The following TEX29 variants were observed in gnomAD, a reference collection of about 807,000 sequenced individuals.
The protein encoded by TEX29 is testis expressed 29.
Under a neutral mutation model 18.2 loss-of-function variants are expected in TEX29, and 26 were observed. The observed-to-expected ratio is 1.43, with a 90% confidence interval of 1.04 to 1.98. TEX29 has a LOEUF of 1.98. Ranked by LOEUF, TEX29 falls within the 30% of genes most tolerant of loss-of-function variation. The pLI is 0.00. For synonymous variants in TEX29, 83 were observed against 78.5 expected (o/e 1.06, Z -0.31); for missense variants, 177 against 194.2 (o/e 0.91, Z 0.53).
At chr13:111,328,143 T>C in intron 2 of TEX29, 40 bp from the exon 3 acceptor site, 1 of 1,392,052 alleles carries the variant, frequency 7.2e-7, no homozygotes, top group East Asian at 2.3e-5. Context: ...AGTGGCTTTG[T>C]TTTCGGGGGT....
intron 3 of TEX29, among the ~76,000 whole-genome samples, chr13:111,332,713 AAC>A (rs1378565937): frequency 1.3e-5 from 2 of 152,212 alleles, no homozygotes; most frequent in African/African-American, 4.8e-5. Flanking sequence ...ACAACTTGGA[AAC>A]ACACGAGTTG....
At chr13:111,321,277 T>C (rs1264993088) in intron 2 of TEX29, among the ~76,000 whole-genome samples, 2 of 152,226 alleles carry the variant, frequency 1.3e-5, no homozygotes, top group Non-Finnish European at 2.9e-5. Context: ...ATAACTTTTA[T>C]TGCAGGAGTG....
Position 111,322,546 on chromosome 13 carries a change from G to C in TEX29, c.58+1598G>C, listed in dbSNP as rs183429945. On this transcript the variant is annotated intron_variant, in intron 2 of 5. Transcript: ENST00000283547. ...GCTGGAGGCTGGTGCCACTTCTCAG[G>C]GTGCATGGGACTGGTGGGGGTCATC... Among the ~76,000 whole-genome samples the C allele has an allele frequency of 5.5e-4, 84 of 152,262 alleles. 1 individual carries two copies. In the East Asian group the frequency reaches 9.1e-3, roughly 17 times the overall value.
chr13:111,336,316 T>C (rs1012621531), intron 3 of TEX29, among the ~76,000 whole-genome samples: 3 of 152,238 alleles, frequency 2.0e-5, no homozygotes, highest in African/African-American at 7.2e-5. Flanking sequence ...TTCTTTGACA[T>C]CTTTCTCATT....
chr13:111,339,346 G>GAGC, intron 3 of TEX29: 1 of 455,096 alleles, frequency 2.2e-6, no homozygotes, highest in Non-Finnish European at 4.4e-6. Flanking sequence ...GGGAGCTGGG[G>GAGC]AGCACAGCAG....
intron 3 of TEX29, among the ~76,000 whole-genome samples, chr13:111,332,324 G>C (rs562280504): frequency 6.6e-6 from 1 of 151,596 alleles, no homozygotes; most frequent in African/African-American, 2.4e-5. Context: ...GAATTGTTTT[G>C]TTCATTTTCA....
intron 3 of TEX29, among the ~76,000 whole-genome samples, chr13:111,337,574 G>C (rs2093691242): frequency 1.3e-5 from 2 of 152,038 alleles, no homozygotes; most frequent in African/African-American, 4.8e-5. Flanking sequence ...GATCAGCGTT[G>C]TTCAGTGTGG....
intron 2 of TEX29, among the ~76,000 whole-genome samples, chr13:111,327,926 G>C (rs1290641147): frequency 6.6e-6 from 1 of 152,346 alleles, no homozygotes; most frequent in South Asian, 2.1e-4. Flanking sequence ...GCTGCTGCGC[G>C]GAAATGTATT....
chr13:111,320,938 G>A lies in TEX29; in HGVS notation c.48G>A (p.Lys16=). Residue 16 remains lysine, a synonymous_variant, in exon 2 of 6, where the codon AAG becomes AAA. Transcript: ENST00000283547. ...AGAACTCTCCGCGGCACCTCCTGAA[G>A]CAATTCACAGGTATGGAGGGAAGGC... is the stretch of plus-strand genomic sequence containing the variant. ...EVKNSPRHLL[K]QFTVCDVPLY... 4 of 1,362,516 alleles carry A rather than the reference G, an allele frequency of 2.9e-6. No individual in the cohort carries two copies. The highest frequency in any genetic ancestry group is 3.9e-6 in the Non-Finnish European group (4 of 1,027,288). The allele number at this position is 1,362,516 out of a possible 1,614,324, so 84.4% of individuals were successfully genotyped here. A position where few individuals can be genotyped will look rare whatever the true frequency, so the allele number is the denominator to read the frequency against.
At chr13:111,320,456 G>A (rs896986231), upstream of TEX29, among the ~76,000 whole-genome samples, 13 of 152,214 alleles carry the variant, frequency 8.5e-5, no homozygotes, top group Admixed American at 5.9e-4. Flanking sequence ...GTCCCCAGCA[G>A]CGTCTTGCCC....
intron 3 of TEX29, among the ~76,000 whole-genome samples, chr13:111,332,887 C>T (rs2093684630): frequency 6.6e-6 from 1 of 152,134 alleles, no homozygotes; most frequent in Admixed American, 6.5e-5. Flanking sequence ...TCATTTCATC[C>T]TAAGAGACTC....
intron 2 of TEX29, among the ~76,000 whole-genome samples, chr13:111,321,887 C>G (rs1238459117): frequency 2.0e-5 from 3 of 152,192 alleles, no homozygotes; most frequent in Non-Finnish European, 4.4e-5. Flanking sequence ...TTGTGCCACT[C>G]CACTCCAGCC....
intron 4 of TEX29, 130 bp from the exon 5 acceptor site, chr13:111,342,626 C>A: frequency 1.4e-6 from 1 of 710,402 alleles, no homozygotes; most frequent in Non-Finnish European, 2.2e-6. Context: ...AAAGCATTTA[C>A]CTTAAAAAAT....
At chr13:111,339,218 C>T in intron 3 of TEX29, 4 of 454,544 alleles carry the variant, frequency 8.8e-6, no homozygotes, top group South Asian at 6.2e-5. Context: ...TTGGGGATTG[C>T]AGGAACCCCT....
upstream of TEX29, among the ~76,000 whole-genome samples, chr13:111,320,282 GT>G (rs1186043826): frequency 6.6e-6 from 1 of 152,206 alleles, no homozygotes; most frequent in African/African-American, 2.4e-5. Flanking sequence ...AAGGGATTTG[GT>G]TTTGTTCTCT....
At chr13:111,339,822 T>C in intron 3 of TEX29, 41 bp from the exon 4 acceptor site, 1 of 1,602,912 alleles carries the variant, frequency 6.2e-7, no homozygotes, top group South Asian at 1.1e-5. Flanking sequence ...CCTTTTCTAT[T>C]TACCTGGATC....
chr13:111,339,717 G>T, intron 3 of TEX29, 146 bp from the exon 4 acceptor site: 4 of 716,090 alleles, frequency 5.6e-6, no homozygotes, highest in South Asian at 4.9e-5. Context: ...TCCAGGAGAC[G>T]CTGGGGAGGG....
upstream of TEX29, among the ~76,000 whole-genome samples, chr13:111,320,242 C>T (rs2093661573): frequency 6.6e-6 from 1 of 152,216 alleles, no homozygotes; most frequent in South Asian, 2.1e-4. Flanking sequence ...TCCGAGGCAG[C>T]TACGTCACTC....
chr13:111,320,634 C>T (rs2093662385), upstream of TEX29: 1 of 565,002 alleles, frequency 1.8e-6, no homozygotes, highest in African/African-American at 1.9e-5. Context: ...AGCCTGGTCC[C>T]ACAGTCCATA....
Sources: allele counts gnomAD v4.1 joint callset (sites outside exome capture counted in the v4.1 genomes callset), GRCh38; gene constraint gnomAD v4.1.1; transcripts MANE v1.5; gene names NCBI Gene and HGNC (gene_info 2026-07-23, HGNC 2026-07-21).